PPP2R2D: variants seen among roughly 807,000 people sequenced by gnomAD.
PPP2R2D encodes protein phosphatase 2 regulatory subunit Bdelta, also known as serine/threonine-protein phosphatase 2A 55 kDa regulatory subunit B delta isoform.
In PPP2R2D, 9 loss-of-function variants were observed where a neutral mutation model predicts 31.1. The ratio of observed to expected loss-of-function variants is 0.29; its 90% CI spans 0.17 to 0.51. PPP2R2D has a LOEUF of 0.51. PPP2R2D is among the 20% of genes least tolerant of loss of function. The probability of loss-of-function intolerance (pLI) is 0.98; values close to 1 mark genes in which losing one functional copy is unlikely to be tolerated. For synonymous variants in PPP2R2D, 179 were observed against 172.6 expected (o/e 1.04, Z -0.29); for missense variants, 391 against 465.6 (o/e 0.84, Z 1.48).
intron 2 of PPP2R2D, among the ~76,000 whole-genome samples, chr10:131,918,049 A>G (rs1393058603): frequency 3.0e-5 from 4 of 135,484 alleles, no homozygotes; most frequent in Admixed American, 7.5e-5. Flanking sequence ...GTGGGATGAC[A>G]CAGTGTTTGT....
chr10:131,961,760 G>A (rs1219477542), downstream of PPP2R2D, among the ~76,000 whole-genome samples: 6 of 152,056 alleles, frequency 3.9e-5, no homozygotes, highest in South Asian at 4.1e-4. Flanking sequence ...CAGCGGCTGC[G>A]ACTTGCCTCT....
chr10:131,904,336 C>G (rs2035548890), intron 2 of PPP2R2D, among the ~76,000 whole-genome samples: 1 of 151,968 alleles, frequency 6.6e-6, no homozygotes, highest in Non-Finnish European at 1.5e-5. Flanking sequence ...ACGGTGAAAC[C>G]CCGTCTCTAC....
chr10:131,933,858 G>C (rs1197724969), intron 2 of PPP2R2D, among the ~76,000 whole-genome samples: 2 of 152,042 alleles, frequency 1.3e-5, no homozygotes, highest in Non-Finnish European at 2.9e-5. Flanking sequence ...TGGGGTCTTT[G>C]TTATGCTGTC....
intron 2 of PPP2R2D, among the ~76,000 whole-genome samples, chr10:131,918,794 CTCACGCGGGTGGAA>C (rs2035890060): frequency 6.7e-6 from 1 of 148,556 alleles, no homozygotes; most frequent in African/African-American, 2.5e-5. Context: ...TTGTAGGGAC[CTCACGCGGGTGGAA>C]TGACACAGTG....
intron 8 of PPP2R2D, 77 bp from the exon 9 acceptor site, chr10:131,955,607 C>A (rs1197616539): frequency 1.5e-6 from 2 of 1,313,852 alleles, no homozygotes; most frequent in Middle Eastern, 2.8e-4. Context: ...GCGCTGTGCA[C>A]CCCAGGGGTG....
intron 2 of PPP2R2D, among the ~76,000 whole-genome samples, chr10:131,918,262 G>A (rs2035865145): frequency 6.9e-6 from 1 of 145,106 alleles, no homozygotes. Context: ...GAATGACACA[G>A]TGTTTGTAGG....
chr10:131,933,029 T>A (rs1007910234), intron 2 of PPP2R2D, among the ~76,000 whole-genome samples: 1 of 152,226 alleles, frequency 6.6e-6, no homozygotes, highest in Non-Finnish European at 1.5e-5. Flanking sequence ...GATTTAGACC[T>A]TTTTAATCCA....
chr10:131,941,124 A>G lies in PPP2R2D; in HGVS notation c.477+430A>G, dbSNP rs144648542. On this transcript the variant is annotated intron_variant, in intron 5 of 8. Transcript: ENST00000455566. Reference sequence around the variant, plus strand: ...GTACATTCAGGACGCTTCTCGGGGAATTTCTTTGGGGTTGGTTTAGGCAGA... The same window carrying G: ...GTACATTCAGGACGCTTCTCGGGGAGTTTCTTTGGGGTTGGTTTAGGCAGA... 3.5e-4 allele frequency among the ~76,000 whole-genome samples: 53 copies of G among 152,154 alleles called. No individual in the cohort carries two copies. The East Asian group carries it at 6.8e-3, about 19-fold the overall frequency.
Position 131,947,577 on chromosome 10 carries a change from A to G in PPP2R2D, c.868A>G (p.Ile290Val). ...DPSSRSFFSE[I>V]ISSISDVKFS... Reference sequence around the variant, plus strand: ...CAGCAGTAGGTCCTTCTTCTCAGAAATAATTTCATCCATATCCGATGTAAA... The same window carrying G: ...CAGCAGTAGGTCCTTCTTCTCAGAAGTAATTTCATCCATATCCGATGTAAA... Residue 290 changes from isoleucine to valine, a missense_variant, in exon 8 of 9, where the codon ATA becomes GTA. Around this residue, in one of 3 missense-constraint regions of PPP2R2D, gnomAD observed 123 missense variants for 187.7 expected, o/e 0.66. Transcript: ENST00000455566. The surrounding 1 kb of genome is among the most constrained non-coding windows in gnomAD (Gnocchi z 4.3). 1.2e-6 allele frequency: 2 copies of G among 1,614,230 alleles called. No homozygotes were observed. The highest frequency in any genetic ancestry group is 1.1e-5 in the South Asian group (1 of 91,090).
In PPP2R2D at chr10:131,958,833, C is replaced by G; in HGVS notation, c.*2870C>G. 4.6e-6 allele frequency: 1 copy of G among 219,602 alleles called. No homozygotes were observed. The allele number at this position is 219,602 out of a possible 1,614,324, so 13.6% of individuals were successfully genotyped here. A position where few individuals can be genotyped will look rare whatever the true frequency, so the allele number is the denominator to read the frequency against. On this transcript the variant is annotated 3_prime_UTR_variant, in exon 9 of 9. Coordinates refer to ENST00000455566, the MANE Select transcript of PPP2R2D (RefSeq NM_018461.5). Reference sequence around the variant, plus strand: ...GGAGATGGAGGCGTGTGCTGATCCCCCATCCCCCTGTGGAGATGAAGGCGT... The same window carrying G: ...GGAGATGGAGGCGTGTGCTGATCCCGCATCCCCCTGTGGAGATGAAGGCGT...
chr10:131,901,013 T>A lies in PPP2R2D; in HGVS notation c.-136T>A. Reference sequence around the variant, plus strand: ...GCGCCATTTTGAAAAGGGAAAAAAATCCCTCCCCGGCGGCGGCGGCGGCGG... The same window carrying A: ...GCGCCATTTTGAAAAGGGAAAAAAAACCCTCCCCGGCGGCGGCGGCGGCGG... On this transcript the variant is annotated 5_prime_UTR_variant, in exon 1 of 9. Coordinates refer to ENST00000455566, the MANE Select transcript of PPP2R2D (RefSeq NM_018461.5). 1 of 130,144 alleles carries A rather than the reference T, an allele frequency of 7.7e-6. No individual in the cohort carries two copies. The highest frequency in any genetic ancestry group is 1.5e-5 in the Non-Finnish European group (1 of 65,058). The allele number at this position is 130,144 out of a possible 1,614,324, so 8.1% of individuals were successfully genotyped here.
In PPP2R2D at chr10:131,901,292, C is replaced by G. The variant is rs2035489355; in HGVS notation, c.62C>G (p.Ser21Trp). The G allele has an allele frequency of 8.3e-6, 3 of 360,210 alleles. No individual in the cohort carries two copies. Among genetic ancestry groups the G allele is most frequent in the Non-Finnish European group, 1.5e-5 (3 of 201,458 alleles). 22.3% of individuals were successfully genotyped at this position (360,210 alleles called of 1,614,324 possible). ...AGGNDFQWCF[S>W]QVKGAIDEDV... ...GGCAACGACTTCCAGTGGTGCTTCT[C>G]GCAGGTCAAGGGGGCCATCGACGAG... The change falls in exon 2 of 9, where the codon TCG (serine) becomes TGG (tryptophan). Residue 21 changes from serine (S) to tryptophan (W), a missense_variant. Coordinates refer to ENST00000455566, the MANE Select transcript of PPP2R2D (RefSeq NM_018461.5).
Position 131,947,722 on chromosome 10 carries a change from A to G in PPP2R2D, c.1013A>G (p.Lys338Arg). Residue 338 changes from lysine to arginine, a missense_variant, in exon 8 of 9, where the codon AAG becomes AGG. Coordinates refer to ENST00000455566, the MANE Select transcript of PPP2R2D (RefSeq NM_018461.5). The surrounding 1 kb of genome is among the most constrained non-coding windows in gnomAD (Gnocchi z 4.3). ...CAGGTCCACGAGTACCTGCGCAGCA[A>G]GCTCTGCTCTCTCTATGAGAACGAC... ...THQVHEYLRS[K>R]LCSLYENDCI... 1 of 1,614,206 alleles carries G rather than the reference A, an allele frequency of 6.2e-7. No individual in the cohort carries two copies. The highest frequency in any genetic ancestry group is 8.5e-7 in the Non-Finnish European group (1 of 1,180,036).
intron 2 of PPP2R2D, among the ~76,000 whole-genome samples, chr10:131,911,408 G>T (rs2035680663): frequency 6.6e-6 from 1 of 152,230 alleles, no homozygotes; most frequent in Non-Finnish European, 1.5e-5. Flanking sequence ...TGAGACAGTT[G>T]TACTTGGGGA....
At chr10:131,954,723 G>A (rs1194148286) in intron 8 of PPP2R2D, among the ~76,000 whole-genome samples, 1 of 152,162 alleles carries the variant, frequency 6.6e-6, no homozygotes, top group African/African-American at 2.4e-5. Flanking sequence ...GCTGGGCCAT[G>A]GAAGGGAAGC....
At chr10:131,964,630 C>T (rs1200567918), downstream of PPP2R2D, among the ~76,000 whole-genome samples, 1 of 151,842 alleles carries the variant, frequency 6.6e-6, no homozygotes, top group Non-Finnish European at 1.5e-5. Context: ...GATTGCCAAC[C>T]CATGGAAAGC....
At chr10:131,917,351 T>G in intron 2 of PPP2R2D, among the ~76,000 whole-genome samples, 1 of 132,378 alleles carries the variant, frequency 7.6e-6, no homozygotes, top group Non-Finnish European at 1.6e-5. Context: ...GATGACACAG[T>G]GTAGGGACCT....
At chr10:131,946,938 G>A (rs1391709395) in intron 7 of PPP2R2D, among the ~76,000 whole-genome samples, 4 of 151,994 alleles carry the variant, frequency 2.6e-5, no homozygotes, top group African/African-American at 7.3e-5. Flanking sequence ...GGCTTTGACC[G>A]GCGGGACCGT....
In PPP2R2D at chr10:131,943,210, G is replaced by A. The variant is rs983342858; in HGVS notation, c.478-758G>A. On this transcript the variant is annotated intron_variant, in intron 5 of 8. Coordinates refer to ENST00000455566, the MANE Select transcript of PPP2R2D (RefSeq NM_018461.5). The stretch of plus-strand genomic sequence containing the variant: ...TGACCATAGGCGGCCTGCAGCCAGC[G>A]CCCACTCCTCTCTGTCCTTTCTATT... 3.9e-5 allele frequency among the ~76,000 whole-genome samples: 6 copies of A among 152,040 alleles called. No homozygotes were observed. The East Asian group carries it at 5.8e-4, about 15-fold the overall frequency.
Sources: allele counts gnomAD v4.1 joint callset (sites outside exome capture counted in the v4.1 genomes callset), GRCh38; gene constraint gnomAD v4.1.1; regional missense constraint gnomAD v4.1.1; non-coding constraint Gnocchi (gnomAD v3.1); transcripts MANE v1.5; gene names NCBI Gene and HGNC (gene_info 2026-07-23, HGNC 2026-07-21).